FAT3: variants seen among roughly 807,000 people sequenced by gnomAD.
FAT3 encodes the protein protocadherin Fat 3.
In FAT3, 95 loss-of-function variants were observed where a neutral mutation model predicts 310.2. That is an observed-to-expected ratio of 0.31 (90% CI 0.26 to 0.36). The LOEUF (loss-of-function observed/expected upper bound fraction) is 0.36. Among genes scored for constraint, FAT3 ranks in the 10% least tolerant of loss-of-function variants. The pLI is 1.00. For missense variants in FAT3, 5,408 were observed against 5,715.6 expected, an observed-to-expected ratio of 0.95 and a Z score of 1.74; for synonymous variants, 2,314 against 2,192.9, an observed-to-expected ratio of 1.06 and a Z score of -1.54.
intron 21 of FAT3, among the ~76,000 whole-genome samples, chr11:92,862,248 C>T (rs1949136869): frequency 6.6e-6 from 1 of 152,144 alleles, no homozygotes; most frequent in Non-Finnish European, 1.5e-5. Context: ...GCAGCCAAAG[C>T]AACAATGAAA....
intron 19 of FAT3, among the ~76,000 whole-genome samples, chr11:92,854,191 G>A (rs954895967): frequency 6.6e-6 from 1 of 152,198 alleles, no homozygotes; most frequent in Non-Finnish European, 1.5e-5. Flanking sequence ...TCCAGGTTGC[G>A]ACAGAACCCA....
chr11:92,747,756 G>A (rs375144431), intron 4 of FAT3, among the ~76,000 whole-genome samples: 34 of 152,266 alleles, frequency 2.2e-4, no homozygotes, highest in African/African-American at 7.7e-4. Flanking sequence ...CAGACATCTA[G>A]GGCAGGGACA....
At chr11:92,605,127 G>A (rs1029684277) in intron 3 of FAT3, among the ~76,000 whole-genome samples, 1 of 152,186 alleles carries the variant, frequency 6.6e-6, no homozygotes, top group African/African-American at 2.4e-5. Context: ...TAGAATCTCA[G>A]TCACAGACTT....
intron 13 of FAT3, among the ~76,000 whole-genome samples, chr11:92,828,164 G>A (rs1261658546): frequency 6.6e-6 from 1 of 151,896 alleles, no homozygotes; most frequent in Non-Finnish European, 1.5e-5. Context: ...ATAGCAATTT[G>A]AAGGATGGCA....
In FAT3 at chr11:92,844,109, A is replaced by T; in HGVS notation, c.10742A>T (p.Tyr3581Phe). The change falls in exon 19 of 28, where the codon TAT becomes TTT. Residue 3581 changes from tyrosine (Y) to phenylalanine (F), a missense_variant. Coordinates refer to ENST00000525166, the MANE Select transcript of FAT3 (RefSeq NM_001367949.2). The part of the protein sequence containing the change: ...GKIHATDQDM[Y>F]DVLTFALKSE... ...ATTCATGCCACAGATCAAGACATGT[A>T]TGATGTGCTCACATTTGCCCTGAAA... 1 of 1,614,016 alleles carries T rather than the reference A, an allele frequency of 6.2e-7. No individual in the cohort carries two copies. Among genetic ancestry groups the T allele is most frequent in the Non-Finnish European group, 8.5e-7 (1 of 1,179,890 alleles).
rs576152459 is a variant in FAT3 at position 92,746,349 on chromosome 11, T to C, written c.3670-15507T>C. On this transcript the variant is annotated intron_variant, in intron 4 of 27. Transcript: ENST00000525166. ...GCTAGAGGCTTGTGCAGGGGAACTC[T>C]CATTTATAAAACCATCAGATCCCAT... is the stretch of plus-strand genomic sequence containing the variant. Among the ~76,000 whole-genome samples, 43 of 152,308 alleles carry C rather than the reference T, an allele frequency of 2.8e-4. 1 individual carries two copies. In the South Asian group the frequency reaches 8.7e-3, roughly 31 times the overall value.
In FAT3 at chr11:92,844,378, C is replaced by T. The variant is rs372181052; in HGVS notation, c.11011C>T (p.Arg3671Cys). 7 of 1,613,904 alleles carry T rather than the reference C, an allele frequency of 4.3e-6. No individual in the cohort carries two copies. Among genetic ancestry groups the T allele is most frequent in the Middle Eastern group, 3.3e-4 (2 of 6,062 alleles). ...FVGLHMHGFR[R>C]TLRNAVLTQK... The stretch of plus-strand genomic sequence containing the variant: ...GGGGCTGCACATGCATGGGTTCCGG[C>T]GCACCCTGCGGAATGCAGTCCTCAC... The change falls in exon 19 of 28, where the codon CGC (arginine) becomes TGC (cysteine). Residue 3671 changes from arginine to cysteine, a missense_variant. Physicochemically the swap from Arg to Cys is radical, Grantham distance 180. Around this residue, in one of 5 missense-constraint regions of FAT3, gnomAD observed 4,588 missense variants for 4,809.8 expected, o/e 0.95. Transcript: ENST00000525166.
At chr11:92,352,053 G>A in intron 1 of FAT3, 43 bp from the exon 2 acceptor site, 2 of 1,201,326 alleles carry the variant, frequency 1.7e-6, no homozygotes, top group South Asian at 1.6e-5. Flanking sequence ...CCTTCTTCTA[G>A]GATGGTTAAT....
chr11:92,413,621 A>T (rs1950344920), intron 2 of FAT3, among the ~76,000 whole-genome samples: 1 of 152,164 alleles, frequency 6.6e-6, no homozygotes, highest in South Asian at 2.1e-4. Context: ...GGATCTTGCC[A>T]TAAGAGGCCC....
intron 1 of FAT3, among the ~76,000 whole-genome samples, chr11:92,279,806 T>A (rs1400460011): frequency 3.3e-5 from 5 of 152,152 alleles, no homozygotes; most frequent in Non-Finnish European, 5.9e-5. Flanking sequence ...TGTATATTTG[T>A]ACCCATTGAC....
chr11:92,793,336 G>T (rs1565597742), intron 9 of FAT3, among the ~76,000 whole-genome samples: 1 of 152,242 alleles, frequency 6.6e-6, no homozygotes, highest in East Asian at 1.9e-4. Flanking sequence ...TCTGAGGCCT[G>T]CCAGGGTGTT....
chr11:92,500,061 A>G (rs758681216), intron 2 of FAT3, among the ~76,000 whole-genome samples: 1 of 152,028 alleles, frequency 6.6e-6, no homozygotes, highest in Admixed American at 6.6e-5. Context: ...TTCCTCCTTG[A>G]GGTTTTACAT....
chr11:92,757,744 A>G (rs138730370), intron 4 of FAT3, among the ~76,000 whole-genome samples: 308 of 152,342 alleles, frequency 2.0e-3, no homozygotes, highest in African/African-American at 6.9e-3. Context: ...ACATTTATCC[A>G]GAGGACACTA....
chr11:92,789,401 A>G (rs1946979981), intron 7 of FAT3, among the ~76,000 whole-genome samples: 1 of 152,226 alleles, frequency 6.6e-6, no homozygotes. Flanking sequence ...GAAACTTCGT[A>G]CCTTAGCTAT....
chr11:92,261,257 T>A (rs1031190055), intron 1 of FAT3, among the ~76,000 whole-genome samples: 6 of 152,076 alleles, frequency 3.9e-5, no homozygotes, highest in Non-Finnish European at 8.8e-5. Context: ...TGAGCTTACA[T>A]CATTAAATAG....
chr11:92,474,122 A>G (rs150206160), intron 2 of FAT3, among the ~76,000 whole-genome samples: 4 of 152,324 alleles, frequency 2.6e-5, no homozygotes, highest in African/African-American at 9.6e-5. Context: ...CACTGCTCCA[A>G]CAGCTTCTTA....
At chr11:92,750,404 AT>A (rs1293469959) in intron 4 of FAT3, among the ~76,000 whole-genome samples, 2 of 152,142 alleles carry the variant, frequency 1.3e-5, no homozygotes, top group Admixed American at 1.3e-4. Flanking sequence ...TAGTTTAAAG[AT>A]TTTAGTTGGC....
At chr11:92,451,581 G>C (rs920967574) in intron 2 of FAT3, among the ~76,000 whole-genome samples, 2 of 152,168 alleles carry the variant, frequency 1.3e-5, no homozygotes, top group African/African-American at 4.8e-5. Context: ...GGATATGGAC[G>C]TTAGTTACAT....
chr11:92,835,554 G>T (rs1328985246), intron 15 of FAT3, among the ~76,000 whole-genome samples: 1 of 152,108 alleles, frequency 6.6e-6, no homozygotes, highest in Non-Finnish European at 1.5e-5. Context: ...CACAAAAAAT[G>T]CTAGGTTTTT....
Sources: gnomAD v4.1 joint callset for allele counts (sites outside exome capture counted in the v4.1 genomes callset) on GRCh38, gnomAD v4.1.1 for gene constraint, gnomAD v4.1.1 regional missense constraint, MANE v1.5 for transcripts, NCBI Gene and HGNC (gene_info 2026-07-23, HGNC 2026-07-21) for gene names.